The following LAPTM4B variants were observed in gnomAD, a reference collection of about 807,000 sequenced individuals.
The protein encoded by LAPTM4B is lysosomal protein transmembrane 4 beta.
A neutral mutation model predicts 28.5 loss-of-function variants in LAPTM4B; 26 were observed. The observed-to-expected ratio is 0.91, with a 90% CI of 0.67 to 1.27. The LOEUF is 1.27. Ranked by LOEUF, LAPTM4B falls within the 50% of genes most tolerant of loss-of-function variation. The pLI is 0.00. For synonymous variants in LAPTM4B, 109 were observed against 106.4 expected (o/e 1.02, Z -0.15); for missense variants, 288 against 285.8 (o/e 1.01, Z -0.06).
At chr8:97,835,318 A>G (rs538053933) in intron 6 of LAPTM4B, among the ~76,000 whole-genome samples, 1 of 152,324 alleles carries the variant, frequency 6.6e-6, no homozygotes, top group Non-Finnish European at 1.5e-5. Flanking sequence ...AACAGTATAC[A>G]TATTATTATC....
chr8:97,808,402 C>T (rs571726590), intron 2 of LAPTM4B, among the ~76,000 whole-genome samples: 3 of 151,630 alleles, frequency 2.0e-5, no homozygotes, highest in Non-Finnish European at 2.9e-5. Flanking sequence ...GAGCCGAGAT[C>T]GCGCCATTGC....
At chr8:97,826,500 G>GTA (rs1337857458) in intron 6 of LAPTM4B, among the ~76,000 whole-genome samples, 2 of 151,998 alleles carry the variant, frequency 1.3e-5, no homozygotes, top group African/African-American at 2.4e-5. Context: ...TTTTCTCTGA[G>GTA]TTGTTGGGTA....
chr8:97,776,041 A>C lies in LAPTM4B; in HGVS notation c.32A>C (p.Tyr11Ser). 6.3e-7 allele frequency: 1 copy of C among 1,586,080 alleles called. No homozygotes were observed. The highest frequency in any genetic ancestry group is 8.5e-7 in the Non-Finnish European group (1 of 1,169,842). The change falls in exon 1 of 7, where the codon TAC becomes TCC. Residue 11 changes from tyrosine (Y) to serine (S), a missense_variant. Transcript: ENST00000521545. MKMVAPWTRF[Y>S]SNSCCLCCHV... ...ATGGTCGCGCCCTGGACGCGGTTCT[A>C]CTCCAACAGCTGCTGCTTGTGCTGC...
chr8:97,794,271 C>T (rs1033192463), intron 1 of LAPTM4B, among the ~76,000 whole-genome samples: 1 of 152,148 alleles, frequency 6.6e-6, no homozygotes, highest in Non-Finnish European at 1.5e-5. Context: ...TGAGCCACTG[C>T]ACCCGGCCCA....
chr8:97,847,386 T>C (rs1817450064), intron 6 of LAPTM4B, among the ~76,000 whole-genome samples: 1 of 152,224 alleles, frequency 6.6e-6, no homozygotes, highest in East Asian at 1.9e-4. Flanking sequence ...GGAAGTGACT[T>C]CAGAAATAGG....
At chr8:97,851,246 C>A in intron 6 of LAPTM4B, 151 bp from the exon 7 acceptor site, 1 of 675,276 alleles carries the variant, frequency 1.5e-6, no homozygotes, top group East Asian at 2.7e-5. Flanking sequence ...TTCAAAAAGT[C>A]TTTTAATGAA....
intron 6 of LAPTM4B, among the ~76,000 whole-genome samples, chr8:97,831,192 T>A (rs1817178640): frequency 6.6e-6 from 1 of 152,180 alleles, no homozygotes; most frequent in South Asian, 2.1e-4. Flanking sequence ...TTGGGTGATC[T>A]GACTAATGAA....
chr8:97,779,290 G>A (rs1244868240), intron 1 of LAPTM4B, among the ~76,000 whole-genome samples: 1 of 152,094 alleles, frequency 6.6e-6, no homozygotes, highest in Non-Finnish European at 1.5e-5. Flanking sequence ...AGACCAGCCT[G>A]ACCAACCATG....
chr8:97,839,742 A>G (rs1817316928), intron 6 of LAPTM4B, among the ~76,000 whole-genome samples: 1 of 152,168 alleles, frequency 6.6e-6, no homozygotes, highest in Non-Finnish European at 1.5e-5. Context: ...GTTGTGAACC[A>G]TTTTACTATA....
intron 5 of LAPTM4B, among the ~76,000 whole-genome samples, chr8:97,820,963 G>A (rs1816993466): frequency 6.6e-6 from 1 of 151,846 alleles, no homozygotes; most frequent in African/African-American, 2.4e-5. Context: ...CTGACCTCAG[G>A]TGATTTGCCT....
At chr8:97,797,706 G>T (rs188462904) in intron 1 of LAPTM4B, among the ~76,000 whole-genome samples, 1 of 152,090 alleles carries the variant, frequency 6.6e-6, no homozygotes, top group Admixed American at 6.5e-5. Context: ...TTTTATTGAG[G>T]CTTTTAAAAA....
At chr8:97,821,429 G>A (rs992408050) in intron 5 of LAPTM4B, among the ~76,000 whole-genome samples, 1 of 152,164 alleles carries the variant, frequency 6.6e-6, no homozygotes, top group African/African-American at 2.4e-5. Context: ...AGAGTACATA[G>A]AGTGGGTCCA....
chr8:97,781,226 G>T (rs1035873928), intron 1 of LAPTM4B, among the ~76,000 whole-genome samples: 1 of 145,786 alleles, frequency 6.9e-6, no homozygotes, highest in Non-Finnish European at 1.5e-5. Flanking sequence ...TGATCCATCC[G>T]CCTTGGCCTC....
chr8:97,836,080 A>AC (rs1475282568), intron 6 of LAPTM4B, among the ~76,000 whole-genome samples: 5 of 151,284 alleles, frequency 3.3e-5, no homozygotes, highest in Admixed American at 1.3e-4. Context: ...CAGCCCCCTC[A>AC]CCCCCTCATC....
At chr8:97,815,251 G>T in intron 2 of LAPTM4B, 77 bp from the exon 3 acceptor site, 1 of 1,054,182 alleles carries the variant, frequency 9.5e-7, no homozygotes, top group East Asian at 2.4e-5. Flanking sequence ...AAATGCCTTT[G>T]AGAAGAGACT....
At chr8:97,780,050 C>CAAAAAA (rs57555167) in intron 1 of LAPTM4B, among the ~76,000 whole-genome samples, 2 of 91,886 alleles carry the variant, frequency 2.2e-5, no homozygotes, top group Admixed American at 1.2e-4. Context: ...GACTCTGTCT[C>CAAAAAA]AAAAAAAAAA....
At chr8:97,848,130 C>T (rs898349423) in intron 6 of LAPTM4B, among the ~76,000 whole-genome samples, 13 of 151,898 alleles carry the variant, frequency 8.6e-5, no homozygotes, top group Non-Finnish European at 1.8e-4. Context: ...GGTGTAGTGG[C>T]GCATGTCTGT....
intron 4 of LAPTM4B, among the ~76,000 whole-genome samples, chr8:97,817,300 T>C (rs892711895): frequency 6.6e-6 from 1 of 151,752 alleles, no homozygotes; most frequent in African/African-American, 2.4e-5. Context: ...CCCACCTAAT[T>C]TTTCTTTTTG....
chr8:97,831,753 C>CGGAGA (rs1445356801), intron 6 of LAPTM4B, among the ~76,000 whole-genome samples: 4 of 152,258 alleles, frequency 2.6e-5, no homozygotes, highest in South Asian at 4.2e-4. Context: ...CTGTCTGGAG[C>CGGAGA]GGAGACTGGA....
Sources: allele counts gnomAD v4.1 joint callset (sites outside exome capture counted in the v4.1 genomes callset), GRCh38; gene constraint gnomAD v4.1.1; transcripts MANE v1.5; gene names NCBI Gene and HGNC (gene_info 2026-07-23, HGNC 2026-07-21).